Variants in CENPW observed in about 807,000 individuals in gnomAD.
CENPW encodes the protein cancer-up-regulated gene 2 protein.
In CENPW, 3 loss-of-function variants were observed where a neutral mutation model predicts 11.1. The ratio of observed to expected loss-of-function variants is 0.27; its 90% CI spans 0.12 to 0.70. CENPW has a LOEUF of 0.70. Ranked by LOEUF, CENPW falls within the 30% of genes least tolerant of loss-of-function variation. The pLI is 0.77. For missense variants in CENPW, 100 were observed against 105.6 expected (o/e 0.95, Z 0.23); for synonymous variants, 38 against 42.0 (o/e 0.91, Z 0.37).
the CENPW span, among the ~76,000 whole-genome samples, chr6:126,388,281 C>A: frequency 6.6e-6 from 1 of 151,868 alleles, no homozygotes; most frequent in South Asian, 2.1e-4. Context: ...TCATATGATG[C>A]CAAACATATG....
chr6:126,422,858 A>G, the CENPW span, among the ~76,000 whole-genome samples: 1 of 152,094 alleles, frequency 6.6e-6, no homozygotes, highest in Non-Finnish European at 1.5e-5. Flanking sequence ...CAGGAGTCTT[A>G]ATAATTTCAG....
chr6:126,373,653 C>T, the CENPW span, among the ~76,000 whole-genome samples: 1 of 152,188 alleles, frequency 6.6e-6, no homozygotes, highest in Non-Finnish European at 1.5e-5. Context: ...TCTCAGGATT[C>T]CTCCAAGTGG....
the CENPW span, among the ~76,000 whole-genome samples, chr6:126,369,883 T>A: frequency 3.9e-5 from 6 of 152,240 alleles, no homozygotes; most frequent in African/African-American, 1.4e-4. Flanking sequence ...TCCAATGTTA[T>A]CTTCTAGAAT....
chr6:126,479,824 A>C, the CENPW span, among the ~76,000 whole-genome samples: 1 of 151,920 alleles, frequency 6.6e-6, no homozygotes, highest in African/African-American at 2.4e-5. Context: ...GTTATATGAG[A>C]ACACTATAAT....
At chr6:126,457,518 C>T in the CENPW span, among the ~76,000 whole-genome samples, 7 of 151,346 alleles carry the variant, frequency 4.6e-5, no homozygotes, top group Admixed American at 4.6e-4. Context: ...ACTGATTACA[C>T]ATGAACACAA....
the CENPW span, among the ~76,000 whole-genome samples, chr6:126,358,236 T>C: frequency 1.3e-5 from 2 of 152,192 alleles, no homozygotes; most frequent in African/African-American, 2.4e-5. Flanking sequence ...GGATTTCCAG[T>C]ACTATGTTAA....
At chr6:126,472,323 C>T in the CENPW span, among the ~76,000 whole-genome samples, 1 of 152,112 alleles carries the variant, frequency 6.6e-6, no homozygotes, top group African/African-American at 2.4e-5. Flanking sequence ...CTGCTCTGGC[C>T]CAACCATACC....
the CENPW span, among the ~76,000 whole-genome samples, chr6:126,455,743 GA>G: frequency 6.6e-6 from 1 of 151,020 alleles, no homozygotes; most frequent in African/African-American, 2.4e-5. Context: ...GAGAAAGAAA[GA>G]AAAGCATCCA....
downstream of CENPW, among the ~76,000 whole-genome samples, chr6:126,352,626 T>C (rs1441664096): frequency 2.6e-5 from 4 of 152,166 alleles, no homozygotes; most frequent in Non-Finnish European, 5.9e-5. Flanking sequence ...TTAGCATTTG[T>C]ATGATATATA....
the CENPW span, among the ~76,000 whole-genome samples, chr6:126,366,901 A>C: frequency 1.3e-5 from 2 of 152,206 alleles, no homozygotes; most frequent in African/African-American, 4.8e-5. Context: ...AGACAGATGC[A>C]CAAGAGAGCA....
At chr6:126,419,652 G>A in the CENPW span, among the ~76,000 whole-genome samples, 1 of 143,292 alleles carries the variant, frequency 7.0e-6, no homozygotes, top group Non-Finnish European at 1.5e-5. Context: ...TCCGAAATTG[G>A]TTTCACTGGG....
chr6:126,473,611 T>G, the CENPW span, among the ~76,000 whole-genome samples: 9 of 151,936 alleles, frequency 5.9e-5, no homozygotes, highest in Admixed American at 2.6e-4. Flanking sequence ...CACATGCTTT[T>G]AATTCCAGCT....
At chr6:126,401,978 C>A in the CENPW span, among the ~76,000 whole-genome samples, 641 of 152,160 alleles carry the variant, frequency 4.2e-3, 4 homozygotes, top group African/African-American at 0.013. Flanking sequence ...CCTCAGTAAG[C>A]AAGTGCTCTC....
At chr6:126,424,323 T>C in the CENPW span, among the ~76,000 whole-genome samples, 2 of 152,152 alleles carry the variant, frequency 1.3e-5, no homozygotes, top group East Asian at 3.8e-4. Flanking sequence ...TATATGGTTT[T>C]ACACCACTGA....
the CENPW span, among the ~76,000 whole-genome samples, chr6:126,444,286 T>C: frequency 1.3e-5 from 2 of 151,264 alleles, no homozygotes; most frequent in Admixed American, 6.6e-5. Context: ...ATTCTATTGC[T>C]GTAGGTGTCT....
At chr6:126,402,646 A>G in the CENPW span, among the ~76,000 whole-genome samples, 2 of 151,970 alleles carry the variant, frequency 1.3e-5, no homozygotes, top group Non-Finnish European at 2.9e-5. Flanking sequence ...TTTATTTAGC[A>G]TATGTTGGCA....
the CENPW span, among the ~76,000 whole-genome samples, chr6:126,362,036 T>C: frequency 6.6e-6 from 1 of 152,148 alleles, no homozygotes; most frequent in Non-Finnish European, 1.5e-5. Flanking sequence ...GGCTGGGCCC[T>C]GGAGGCTGCT....
At chr6:126,344,940 A>G (rs1484036395) in intron 1 of CENPW, among the ~76,000 whole-genome samples, 3 of 152,156 alleles carry the variant, frequency 2.0e-5, no homozygotes, top group Non-Finnish European at 4.4e-5. Flanking sequence ...GCCACCATGT[A>G]AATAACAAAA....
the CENPW span, among the ~76,000 whole-genome samples, chr6:126,440,157 G>A: frequency 6.6e-6 from 1 of 151,588 alleles, no homozygotes; most frequent in Non-Finnish European, 1.5e-5. Flanking sequence ...GGCTGCCTAG[G>A]AAGAAGGAAG....
Sources: gnomAD v4.1 joint callset for allele counts (sites outside exome capture counted in the v4.1 genomes callset) on GRCh38, gnomAD v4.1.1 for gene constraint, MANE v1.5 for transcripts, NCBI Gene and HGNC (gene_info 2026-07-23, HGNC 2026-07-21) for gene names.